The following FBXW10B variants were observed in gnomAD, a reference collection of about 807,000 sequenced individuals.
FBXW10B encodes F-box and WD repeat domain containing protein 10B.
At chr17:15,575,169 A>C in the FBXW10B span, among the ~76,000 whole-genome samples, 19 of 148,016 alleles carry the variant, frequency 1.3e-4, no homozygotes, top group African/African-American at 4.2e-4. Flanking sequence ...TCTCAGGAGG[A>C]TAAAACCAAG....
At chr17:15,604,045 C>T in the FBXW10B span, among the ~76,000 whole-genome samples, 2 of 147,758 alleles carry the variant, frequency 1.4e-5, no homozygotes, top group Non-Finnish European at 3.0e-5. Context: ...GCGCCACTGC[C>T]CTCCAGCCTG....
the FBXW10B span, among the ~76,000 whole-genome samples, chr17:15,597,639 A>G: frequency 3.9e-5 from 6 of 152,118 alleles, no homozygotes; most frequent in Non-Finnish European, 8.8e-5. Flanking sequence ...CTCAAAAAAA[A>G]ATAAAAATAA....
the FBXW10B span, among the ~76,000 whole-genome samples, chr17:15,599,302 T>C: frequency 2.3e-4 from 32 of 136,820 alleles, no homozygotes; most frequent in Non-Finnish European, 3.5e-4. Flanking sequence ...TGGAGATATT[T>C]TTGGTGGTCA....
chr17:15,586,760 T>C, the FBXW10B span, among the ~76,000 whole-genome samples: 1 of 151,420 alleles, frequency 6.6e-6, no homozygotes, highest in Admixed American at 6.6e-5. Context: ...GGGTATTACC[T>C]TGGGGGAAAT....
chr17:15,596,493 G>A, the FBXW10B span: 1 of 1,554,260 alleles, frequency 6.4e-7, no homozygotes, highest in Non-Finnish European at 8.7e-7. Flanking sequence ...TTTCCGCCAA[G>A]GTAGCCCACT....
At chr17:15,594,258 G>A in the FBXW10B span, among the ~76,000 whole-genome samples, 2 of 152,010 alleles carry the variant, frequency 1.3e-5, no homozygotes, top group Non-Finnish European at 2.9e-5. Context: ...AGATCATGAG[G>A]TCAGGAGATT....
At chr17:15,589,308 T>C in the FBXW10B span, 1 of 1,543,178 alleles carries the variant, frequency 6.5e-7, no homozygotes, top group Non-Finnish European at 8.8e-7. Context: ...GTAGGGAATG[T>C]CTGGGAGAAA....
At chr17:15,601,135 T>C in the FBXW10B span, among the ~76,000 whole-genome samples, 1 of 147,458 alleles carries the variant, frequency 6.8e-6, no homozygotes. Context: ...ATTGGCCAGG[T>C]GCAGTAGCTC....
chr17:15,613,623 A>G, the FBXW10B span: 2 of 1,567,542 alleles, frequency 1.3e-6, no homozygotes, highest in East Asian at 4.6e-5. Context: ...ACCTGCAAGA[A>G]GGTAATCTGG....
the FBXW10B span, among the ~76,000 whole-genome samples, chr17:15,616,014 C>G: frequency 6.6e-6 from 1 of 151,942 alleles, no homozygotes; most frequent in African/African-American, 2.4e-5. Flanking sequence ...CAGCACGCCC[C>G]CATTGTAAAA....
chr17:15,569,515 G>A, the FBXW10B span, among the ~76,000 whole-genome samples: 1 of 123,204 alleles, frequency 8.1e-6, no homozygotes, highest in Non-Finnish European at 1.6e-5. Flanking sequence ...AGGCTGGAAT[G>A]CAGTGGCAGG....
the FBXW10B span, chr17:15,571,492 G>A: frequency 6.6e-6 from 1 of 152,202 alleles, no homozygotes; most frequent in Non-Finnish European, 1.5e-5. Context: ...ACGCCTATTA[G>A]CATAATTAAC....
chr17:15,565,635 G>T, the FBXW10B span: 1 of 1,614,136 alleles, frequency 6.2e-7, no homozygotes, highest in East Asian at 2.2e-5. Flanking sequence ...ATGCAGCTTT[G>T]CTGGCTTTTC....
At chr17:15,569,455 C>CTTTTTATT in the FBXW10B span, among the ~76,000 whole-genome samples, 1 of 59,192 alleles carries the variant, frequency 1.7e-5, no homozygotes, top group Non-Finnish European at 2.9e-5. Flanking sequence ...TTTTCTTTTT[C>CTTTTTATT]TTTTTTTTTT....
chr17:15,576,697 A>G, the FBXW10B span, among the ~76,000 whole-genome samples: 1 of 152,148 alleles, frequency 6.6e-6, no homozygotes, highest in South Asian at 2.1e-4. Context: ...AGAGTGATCC[A>G]TAACATGTAA....
At chr17:15,605,715 T>G in the FBXW10B span, among the ~76,000 whole-genome samples, 1 of 152,010 alleles carries the variant, frequency 6.6e-6, no homozygotes, top group Non-Finnish European at 1.5e-5. Flanking sequence ...ACAGAGTATG[T>G]GGCATTGCCC....
chr17:15,618,758 C>T, the FBXW10B span, among the ~76,000 whole-genome samples: 1,192 of 152,246 alleles, frequency 7.8e-3, 6 homozygotes, highest in Non-Finnish European at 0.012. Context: ...ATGATAAATG[C>T]TTGTGAGTTA....
the FBXW10B span, among the ~76,000 whole-genome samples, chr17:15,591,965 C>T: frequency 6.6e-6 from 1 of 152,116 alleles, no homozygotes; most frequent in South Asian, 2.1e-4. Flanking sequence ...CGGAACTTGC[C>T]CTCCCTGTCC....
At chr17:15,615,553 T>C in the FBXW10B span, 4 of 1,562,568 alleles carry the variant, frequency 2.6e-6, no homozygotes, top group Non-Finnish European at 3.5e-6. Flanking sequence ...GACCTCATGA[T>C]CTGCTTGCCT....
Sources: gnomAD v4.1 joint callset for allele counts (sites outside exome capture counted in the v4.1 genomes callset) on GRCh38, gnomAD v4.1.1 for gene constraint, MANE v1.5 for transcripts, NCBI Gene and HGNC (gene_info 2026-07-23, HGNC 2026-07-21) for gene names.